RBFOX1: variants seen among roughly 807,000 people sequenced by gnomAD.
RBFOX1 encodes the protein RNA binding fox-1 homolog 1.
Under a neutral mutation model 57.7 loss-of-function variants are expected in RBFOX1, and 8 were observed. The ratio of observed to expected loss-of-function variants is 0.14; its 90% CI spans 0.08 to 0.25. The LOEUF (loss-of-function observed/expected upper bound fraction) is 0.25. Ranked by LOEUF, RBFOX1 falls within the 10% of genes least tolerant of loss-of-function variation. RBFOX1 has a pLI of 1.00. For synonymous variants in RBFOX1, 326 were observed against 222.4 expected, an observed-to-expected ratio of 1.47 and a Z score of -4.15; for missense variants, 611 against 548.5, an observed-to-expected ratio of 1.11 and a Z score of -1.14.
At chr16:7,451,432 T>G (rs377691978) in intron 4 of RBFOX1, among the ~76,000 whole-genome samples, 4 of 152,236 alleles carry the variant, frequency 2.6e-5, no homozygotes, top group African/African-American at 9.6e-5. Flanking sequence ...GTAAGTTAAC[T>G]TGGGCGGGCT....
intron 3 of RBFOX1, among the ~76,000 whole-genome samples, chr16:6,766,350 T>C (rs7189191): frequency 0.77 from 116,864 of 151,852 alleles, 46,001 homozygotes; most frequent in Middle Eastern, 0.86. Flanking sequence ...AGACATAACT[T>C]TTCCTACTTG....
intron 4 of RBFOX1, among the ~76,000 whole-genome samples, chr16:5,999,926 A>G (rs2060566414): frequency 6.7e-6 from 1 of 150,016 alleles, no homozygotes; most frequent in Non-Finnish European, 1.5e-5. Flanking sequence ...AAGGGAAATC[A>G]GACAAGGAAA....
At chr16:6,810,014 T>A (rs2088034370) in intron 3 of RBFOX1, among the ~76,000 whole-genome samples, 1 of 148,254 alleles carries the variant, frequency 6.7e-6, no homozygotes, top group African/African-American at 2.5e-5. Flanking sequence ...GAAAAAATTC[T>A]CTTCTCTCTC....
chr16:6,242,492 T>C (rs1598731496), intron 1 of RBFOX1, among the ~76,000 whole-genome samples: 1 of 151,866 alleles, frequency 6.6e-6, no homozygotes, highest in Non-Finnish European at 1.5e-5. Flanking sequence ...GCCTCCCAAA[T>C]TGCTGGGAGT....
chr16:6,079,170 G>A (rs372470332), intron 1 of RBFOX1, among the ~76,000 whole-genome samples: 6 of 151,922 alleles, frequency 3.9e-5, no homozygotes, highest in South Asian at 4.2e-4. Context: ...ATTACCAGCC[G>A]CATTACATGC....
intron 4 of RBFOX1, among the ~76,000 whole-genome samples, chr16:7,306,876 T>C (rs2096201903): frequency 6.6e-6 from 1 of 152,158 alleles, no homozygotes; most frequent in South Asian, 2.1e-4. Flanking sequence ...TATCGATAAG[T>C]AATATCTTGT....
chr16:6,692,268 G>C (rs1568236391), intron 3 of RBFOX1, among the ~76,000 whole-genome samples: 1 of 151,768 alleles, frequency 6.6e-6, no homozygotes, highest in East Asian at 1.9e-4. Context: ...GTAAACGTGT[G>C]TCTGAGCTGT....
At chr16:5,430,160 C>T (rs187748516) in intron 1 of RBFOX1, among the ~76,000 whole-genome samples, 407 of 152,266 alleles carry the variant, frequency 2.7e-3, no homozygotes, top group African/African-American at 9.6e-3. Context: ...GAAAAAGTCC[C>T]TCTCTTCATG....
At chr16:6,802,929 A>G (rs535459057) in intron 3 of RBFOX1, among the ~76,000 whole-genome samples, 1 of 152,306 alleles carries the variant, frequency 6.6e-6, no homozygotes, top group East Asian at 1.9e-4. Flanking sequence ...AGGGTTAAAT[A>G]TTTATTGAAG....
At chr16:7,245,378 T>C (rs528220762) in intron 4 of RBFOX1, among the ~76,000 whole-genome samples, 179 of 152,314 alleles carry the variant, frequency 1.2e-3, no homozygotes, top group African/African-American at 4.3e-3. Flanking sequence ...GTTCATTGCA[T>C]AGGTAAACAT....
At position 6,662,604 on chromosome 16, in the gene RBFOX1, A is replaced by G. The variant is rs79504618; in HGVS notation, c.-16+7954A>G. 5.8e-4 allele frequency among the ~76,000 whole-genome samples: 88 copies of G among 152,148 alleles called. 3 individuals are homozygous for G. In the East Asian group the frequency reaches 0.014, roughly 24 times the overall value. On this transcript the variant is annotated intron_variant, in intron 3 of 15. Transcript: ENST00000550418. Reference sequence around the variant, plus strand: ...TAGGGAAGTTATTTCCTTGTCAACTATTTCTCAGACCTTGAGACTACATCA... The same window carrying G: ...TAGGGAAGTTATTTCCTTGTCAACTGTTTCTCAGACCTTGAGACTACATCA...
intron 3 of RBFOX1, among the ~76,000 whole-genome samples, chr16:5,622,977 T>C (rs527442046): frequency 6.6e-6 from 1 of 152,188 alleles, no homozygotes; most frequent in Admixed American, 6.5e-5. Context: ...GTTTGAAGTA[T>C]ATGGGAGGAT....
chr16:7,483,886 C>G (rs139677523), intron 4 of RBFOX1, among the ~76,000 whole-genome samples: 1,572 of 152,312 alleles, frequency 0.01, 13 homozygotes, highest in Non-Finnish European at 0.015. Flanking sequence ...TATGTACAAT[C>G]TAATTCATCC....
At chr16:7,071,146 C>T (rs1302573933) in intron 4 of RBFOX1, among the ~76,000 whole-genome samples, 1 of 152,150 alleles carries the variant, frequency 6.6e-6, no homozygotes, top group East Asian at 1.9e-4. Context: ...TTCTCGGCTG[C>T]TACCCTGAAG....
intron 3 of RBFOX1, among the ~76,000 whole-genome samples, chr16:6,779,919 A>T (rs868320948): frequency 3.2e-3 from 12 of 3,800 alleles, no homozygotes; most frequent in East Asian, 0.027. Context: ...TTATATATTT[A>T]TATATATTTA....
intron 3 of RBFOX1, among the ~76,000 whole-genome samples, chr16:5,676,686 C>G (rs909162035): frequency 6.6e-6 from 1 of 152,060 alleles, no homozygotes; most frequent in Non-Finnish European, 1.5e-5. Context: ...TGTGACAAAA[C>G]CTCATCTCTA....
chr16:5,393,196 G>T (rs768488925), intron 1 of RBFOX1, among the ~76,000 whole-genome samples: 1 of 151,966 alleles, frequency 6.6e-6, no homozygotes, highest in Non-Finnish European at 1.5e-5. Context: ...GTGCCATCAC[G>T]GCTGGGCTGT....
intron 3 of RBFOX1, among the ~76,000 whole-genome samples, chr16:6,958,437 G>A (rs538770447): frequency 2.0e-5 from 3 of 152,194 alleles, no homozygotes; most frequent in Admixed American, 1.3e-4. Context: ...AAAGCATTGG[G>A]CAAGGACCTT....
At chr16:6,344,660 G>T (rs2085084488) in intron 2 of RBFOX1, among the ~76,000 whole-genome samples, 1 of 144,366 alleles carries the variant, frequency 6.9e-6, no homozygotes, top group Non-Finnish European at 1.5e-5. Flanking sequence ...GCCTCCCAAA[G>T]TGCTGGGATT....
Sources: allele counts gnomAD v4.1 joint callset (sites outside exome capture counted in the v4.1 genomes callset), GRCh38; gene constraint gnomAD v4.1.1; transcripts MANE v1.5; gene names NCBI Gene and HGNC (gene_info 2026-07-23, HGNC 2026-07-21).